ADRA1A: variants seen among roughly 807,000 people sequenced by gnomAD.
The protein encoded by ADRA1A is alpha-1A adrenergic receptor.
In ADRA1A, 31 loss-of-function variants were observed where a neutral mutation model predicts 29.6. That is an observed-to-expected ratio of 1.05 (90% CI 0.79 to 1.41). The LOEUF is 1.41. Among genes scored for constraint, ADRA1A ranks in the 40% most tolerant of loss-of-function variants. The pLI is 0.00. For missense variants in ADRA1A, 619 were observed against 601.1 expected, an observed-to-expected ratio of 1.03 and a Z score of -0.31; for synonymous variants, 311 against 254.3, an observed-to-expected ratio of 1.22 and a Z score of -2.12.
At chr8:26,786,589 G>C (rs962589946) in intron 2 of ADRA1A, among the ~76,000 whole-genome samples, 1 of 151,820 alleles carries the variant, frequency 6.6e-6, no homozygotes. Context: ...TCTGCACCAG[G>C]CCCTTCACTT....
intron 2 of ADRA1A, among the ~76,000 whole-genome samples, chr8:26,786,241 T>A (rs1430375143): frequency 1.5e-4 from 8 of 52,714 alleles, no homozygotes; most frequent in East Asian, 8.3e-3. Flanking sequence ...TATTTTTAAA[T>A]TTTTTTTTTT....
intron 2 of ADRA1A, among the ~76,000 whole-genome samples, chr8:26,760,324 C>T (rs930528834): frequency 3.3e-5 from 5 of 152,074 alleles, no homozygotes; most frequent in Non-Finnish European, 7.3e-5. Flanking sequence ...GCAGCAGGAC[C>T]GTCTCATTGT....
rs1585827678 is a variant in ADRA1A at position 26,848,022 on chromosome 8, C to A, written c.883+16065G>T. ...GAAAGCCACTGGCTCAACCCAAGCC[C>A]CTCTCCTACAGATGAGGACACCAGA... On this transcript the variant is annotated intron_variant, in intron 2 of 2. Coordinates refer to ENST00000380573, the MANE Select transcript of ADRA1A (RefSeq NM_000680.4). This position sits in a 1 kb window ranked among gnomAD's most constrained non-coding sequence, Gnocchi z 4.3. Among the ~76,000 whole-genome samples, 1 of 152,320 alleles carries A rather than the reference C, an allele frequency of 6.6e-6. No homozygotes were observed. Among genetic ancestry groups the A allele is most frequent in the East Asian group, 1.9e-4 (1 of 5,184 alleles).
intron 2 of ADRA1A, among the ~76,000 whole-genome samples, chr8:26,859,822 G>A (rs1187295062): frequency 6.6e-6 from 1 of 150,628 alleles, no homozygotes; most frequent in Non-Finnish European, 1.5e-5. Flanking sequence ...AGGCTGGAGT[G>A]CAGTGGTGTG....
In ADRA1A at chr8:26,815,223, A is replaced by G. The variant is rs1809674679; in HGVS notation, c.884-44557T>C. 6.6e-6 allele frequency among the ~76,000 whole-genome samples: 1 copy of G among 152,240 alleles called. No homozygotes were observed. Among genetic ancestry groups the G allele is most frequent in the African/African-American group, 2.4e-5 (1 of 41,472 alleles). On this transcript the variant is annotated intron_variant, in intron 2 of 2. Coordinates refer to ENST00000380573, the MANE Select transcript of ADRA1A (RefSeq NM_000680.4). This position sits in a 1 kb window ranked among gnomAD's most constrained non-coding sequence, Gnocchi z 4.2. ...TAACAGTCTTAAATAGATACTTGAA[A>G]TCACATGCAGATTTCCTTTTCTGGA...
At chr8:26,782,105 G>A (rs887097548) in intron 2 of ADRA1A, among the ~76,000 whole-genome samples, 1 of 152,216 alleles carries the variant, frequency 6.6e-6, no homozygotes, top group Non-Finnish European at 1.5e-5. Flanking sequence ...GTGCGAAGCA[G>A]GAATATGAAT....
rs971666319 is a variant in ADRA1A at position 26,866,429 on chromosome 8, C to A, written c.-687+507G>T. Among the ~76,000 whole-genome samples the A allele has an allele frequency of 1.3e-5, 2 of 152,126 alleles. No individual in the cohort carries two copies. Among genetic ancestry groups the A allele is most frequent in the Non-Finnish European group, 2.9e-5 (2 of 68,012 alleles). ...GGAGCTTTGCAAGTGACAGTCACTG[C>A]GGATTTTGCAGGCGTAAACATTAAG... On this transcript the variant is annotated intron_variant, in intron 1 of 2. Coordinates refer to ENST00000380573, the MANE Select transcript of ADRA1A (RefSeq NM_000680.4). The surrounding 1 kb of genome is among the most constrained non-coding windows in gnomAD (Gnocchi z 5.7).
At chr8:26,760,656 G>A (rs1805460424) in intron 2 of ADRA1A, among the ~76,000 whole-genome samples, 1 of 152,086 alleles carries the variant, frequency 6.6e-6, no homozygotes. Context: ...CCCAAGATTG[G>A]GCTCTGCTGT....
At chr8:26,857,826 T>C (rs1353478070) in intron 2 of ADRA1A, among the ~76,000 whole-genome samples, 1 of 152,222 alleles carries the variant, frequency 6.6e-6, no homozygotes, top group African/African-American at 2.4e-5. Context: ...GCAGAGGGTT[T>C]GGGATTATCA....
At chr8:26,761,476 G>T (rs981182674), downstream of ADRA1A, among the ~76,000 whole-genome samples, 5 of 152,176 alleles carry the variant, frequency 3.3e-5, no homozygotes, top group Non-Finnish European at 5.9e-5. Flanking sequence ...AAGGTGATGA[G>T]GGTGGACCCA....
intron 2 of ADRA1A, among the ~76,000 whole-genome samples, chr8:26,835,201 T>A (rs1393977430): frequency 6.6e-6 from 1 of 152,234 alleles, no homozygotes; most frequent in Non-Finnish European, 1.5e-5. Flanking sequence ...TAGCTAGCAA[T>A]TCTTTATGCC....
At position 26,864,720 on chromosome 8, in the gene ADRA1A, C is replaced by T. The variant is rs765619798; in HGVS notation, c.250G>A (p.Ala84Thr). Residue 84 changes from alanine to threonine, a missense_variant, in exon 2 of 3, where the codon GCC (alanine) becomes ACC (threonine). Ala to Thr is a moderately conservative substitution (Grantham distance 58, BLOSUM62 0). Coordinates refer to ENST00000380573, the MANE Select transcript of ADRA1A (RefSeq NM_000680.4). The surrounding 1 kb of genome is among the most constrained non-coding windows in gnomAD (Gnocchi z 8.1). ...CAGTAGCCTAGGACCTCGAAGATGG[C>T]GGAGAAGGGCAGCACCGTGGAGGTG... ...LLTSTVLPFS[A>T]IFEVLGYWAF... is the part of the protein sequence containing the mutation. The T allele has an allele frequency of 1.2e-6, 2 of 1,614,118 alleles. No homozygotes were observed. The highest frequency in any genetic ancestry group is 1.6e-4 in the Middle Eastern group (1 of 6,062).
chr8:26,761,063 A>C (rs2130207509), downstream of ADRA1A, among the ~76,000 whole-genome samples: 1 of 152,314 alleles, frequency 6.6e-6, no homozygotes, highest in Non-Finnish European at 1.5e-5. Flanking sequence ...TAAGTGACAG[A>C]CCATTGCTGC....
chr8:26,762,718 A>C (rs149950853), downstream of ADRA1A, among the ~76,000 whole-genome samples: 18 of 152,254 alleles, frequency 1.2e-4, no homozygotes, highest in East Asian at 2.9e-3. The surrounding 1 kb of genome is among the most constrained non-coding windows in gnomAD (Gnocchi z 4.0). Context: ...AGATTACTTA[A>C]TGGCCTCAGT....
chr8:26,778,688 G>C (rs1015951227), intron 2 of ADRA1A, among the ~76,000 whole-genome samples: 1 of 149,704 alleles, frequency 6.7e-6, no homozygotes, highest in African/African-American at 2.5e-5. Context: ...GCAAACTATC[G>C]CAAGGACAAA....
intron 2 of ADRA1A, among the ~76,000 whole-genome samples, chr8:26,777,925 T>G (rs1182557401): frequency 1.3e-5 from 2 of 152,206 alleles, no homozygotes; most frequent in Non-Finnish European, 2.9e-5. Flanking sequence ...CTATGGTTAC[T>G]GTGAAAAACC....
intron 2 of ADRA1A, among the ~76,000 whole-genome samples, chr8:26,835,646 C>T (rs1175378702): frequency 2.6e-5 from 4 of 152,240 alleles, no homozygotes; most frequent in East Asian, 3.9e-4. Context: ...ACTTGTCCCT[C>T]CCACGACACA....
chr8:26,792,378 G>C (rs1216363561), intron 2 of ADRA1A, among the ~76,000 whole-genome samples: 1 of 151,832 alleles, frequency 6.6e-6, no homozygotes, highest in Admixed American at 6.6e-5. Flanking sequence ...ATTTGTATTA[G>C]ACCTCTAAAT....
chr8:26,829,539 G>C (rs762646128), intron 2 of ADRA1A, among the ~76,000 whole-genome samples: 1 of 152,046 alleles, frequency 6.6e-6, no homozygotes, highest in African/African-American at 2.4e-5. Flanking sequence ...AAAAAATATA[G>C]TTAGGAAAAA....
Sources: gnomAD v4.1 joint callset for allele counts (sites outside exome capture counted in the v4.1 genomes callset) on GRCh38, gnomAD v4.1.1 for gene constraint, Gnocchi (gnomAD v3.1) non-coding constraint, MANE v1.5 for transcripts, NCBI Gene and HGNC (gene_info 2026-07-23, HGNC 2026-07-21) for gene names.